Variants in FKRP observed in about 807,000 individuals in gnomAD.
The protein encoded by FKRP is fukutin related protein, also known as ribitol 5-phosphate transferase FKRP.
In FKRP, 25 loss-of-function variants were observed where a neutral mutation model predicts 30.6. That is an observed-to-expected ratio of 0.82 (90% CI 0.60 to 1.14). The LOEUF is 1.14. Among genes scored for constraint, FKRP ranks in the 50% most tolerant of loss-of-function variants. The pLI, the probability that FKRP is intolerant of heterozygous loss-of-function variation, is 0.00. For missense variants in FKRP, 771 were observed against 727.8 expected, an observed-to-expected ratio of 1.06 and a Z score of -0.68; for synonymous variants, 358 against 342.5, an observed-to-expected ratio of 1.05 and a Z score of -0.50.
At position 46,756,633 on chromosome 19, in the gene FKRP, G is replaced by C. The variant is rs762944990; in HGVS notation, c.1183G>C (p.Glu395Gln). The change falls in exon 4 of 4, where the codon GAG becomes CAG. Residue 395 changes from glutamate (E) to glutamine (Q), a missense_variant. Coordinates refer to ENST00000318584, the MANE Select transcript of FKRP (RefSeq NM_024301.5). The surrounding 1 kb of genome is among the most constrained non-coding windows in gnomAD (Gnocchi z 6.6). ...SVVDERGFVWEKAVEGDFFRV... is the reference protein window; with the variant it reads ...SVVDERGFVWQKAVEGDFFRV... ...GGTGGATGAGCGCGGCTTCGTATGG[G>C]AGAAGGCGGTCGAGGGCGACTTTTT... 6.2e-7 allele frequency: 1 copy of C among 1,613,262 alleles called. No individual in the cohort carries two copies. Among genetic ancestry groups the C allele is most frequent in the South Asian group, 1.1e-5 (1 of 90,904 alleles).
rs2054947271 is a variant in FKRP at position 46,757,263 on chromosome 19, G to GA, written c.*331dup. The GA allele has an allele frequency of 6.4e-6, 3 of 466,514 alleles. No individual in the cohort carries two copies. The highest frequency in any genetic ancestry group is 4.7e-5 in the South Asian group (2 of 42,848). 28.9% of individuals were successfully genotyped at this position (466,514 alleles called of 1,614,324 possible). On this transcript the variant is annotated 3_prime_UTR_variant, in exon 4 of 4. Transcript: ENST00000318584. ...CAGGGCCCAGCACAGCCCCAGACCC[G>GA]AAAAAAGTGTTCTGCCCAAGATTCC...
Position 46,756,322 on chromosome 19 carries a change from A to G in FKRP, c.872A>G (p.Lys291Arg). 2.6e-6 allele frequency: 4 copies of G among 1,555,108 alleles called. No individual in the cohort carries two copies. Among genetic ancestry groups the G allele is most frequent in the Non-Finnish European group, 3.5e-6 (4 of 1,154,478 alleles). Residue 291 changes from lysine to arginine, a missense_variant, in exon 4 of 4, where the codon AAG becomes AGG. Transcript: ENST00000318584. This position sits in a 1 kb window ranked among gnomAD's most constrained non-coding sequence, Gnocchi z 6.6. ...GGRLEWFGCN[K>R]ETTRCFGTVV... ...CGGCTGGAGTGGTTCGGCTGCAACAAGGAGACCACGCGCTGCTTCGGAACC... is the reference window on the plus strand; with the variant it reads ...CGGCTGGAGTGGTTCGGCTGCAACAGGGAGACCACGCGCTGCTTCGGAACC...
intron 3 of FKRP, among the ~76,000 whole-genome samples, chr19:46,753,608 C>A (rs1231907766): frequency 6.6e-6 from 1 of 151,746 alleles, no homozygotes; most frequent in Non-Finnish European, 1.5e-5. Context: ...CACTTTCTCC[C>A]CTGGGCACTG....
chr19:46,754,400 T>TCG (rs2054861777), intron 3 of FKRP: 2 of 134,048 alleles, frequency 1.5e-5, no homozygotes, highest in South Asian at 2.2e-4. Context: ...TTTATTTATT[T>TCG]ATTTATTTTT....
Position 46,757,156 on chromosome 19 carries a change from C to T in FKRP, c.*218C>T. 2 of 661,074 alleles carry T rather than the reference C, an allele frequency of 3.0e-6. No individual in the cohort carries two copies. Among genetic ancestry groups the T allele is most frequent in the East Asian group, 2.8e-5 (1 of 36,252 alleles). 41.0% of individuals were successfully genotyped at this position (661,074 alleles called of 1,614,324 possible). A position where few individuals can be genotyped will look rare whatever the true frequency, so the allele number is the denominator to read the frequency against. ...CCTCCAGATTTATCAAATGGTCATG[C>T]CCACTGGGAGCCGTGGATATGCGTG... On this transcript the variant is annotated 3_prime_UTR_variant, in exon 4 of 4. Coordinates refer to ENST00000318584, the MANE Select transcript of FKRP (RefSeq NM_024301.5).
chr19:46,750,491 G>A (rs139122383), intron 3 of FKRP, among the ~76,000 whole-genome samples: 1 of 152,164 alleles, frequency 6.6e-6, no homozygotes, highest in Admixed American at 6.5e-5. Context: ...CTCGGTTCTC[G>A]ACCCTGCATC....
rs1555738032 is a variant in FKRP at position 46,755,525 on chromosome 19, G to A, written c.75G>A (p.Ser25=). Residue 25 remains serine (S), a synonymous_variant, in exon 4 of 4, where the codon TCG becomes TCA. Transcript: ENST00000318584. ...ACCTTCTGGTCCTCTTCTATGTCTCGTGGCTGCAGCACCAGCCTAGGAATT... is the reference window on the plus strand; with the variant it reads ...ACCTTCTGGTCCTCTTCTATGTCTCATGGCTGCAGCACCAGCCTAGGAATT... ...TLNLLVLFYV[S]WLQHQPRNSR... The A allele has an allele frequency of 2.5e-6, 4 of 1,610,008 alleles. No individual in the cohort carries two copies. The highest frequency in any genetic ancestry group is 3.4e-6 in the Non-Finnish European group (4 of 1,178,562).
Position 46,756,324 on chromosome 19 carries a change from G to A in FKRP, c.874G>A (p.Glu292Lys), listed in dbSNP as rs1291131278. The A allele has an allele frequency of 6.4e-7, 1 of 1,555,550 alleles. No individual in the cohort carries two copies. The highest frequency in any genetic ancestry group is 8.7e-7 in the Non-Finnish European group (1 of 1,154,722). The change falls in exon 4 of 4, where the codon GAG becomes AAG. Residue 292 changes from glutamate to lysine, a missense_variant. Coordinates refer to ENST00000318584, the MANE Select transcript of FKRP (RefSeq NM_024301.5). The surrounding 1 kb of genome is among the most constrained non-coding windows in gnomAD (Gnocchi z 6.6). ...GCTGGAGTGGTTCGGCTGCAACAAG[G>A]AGACCACGCGCTGCTTCGGAACCGT... ...GRLEWFGCNK[E>K]TTRCFGTVVG...
rs1203941254 is a variant in FKRP at position 46,757,169 on chromosome 19, G to A, written c.*231G>A. The A allele has an allele frequency of 1.6e-6, 1 of 628,830 alleles. No individual in the cohort carries two copies. Among genetic ancestry groups the A allele is most frequent in the African/African-American group, 1.8e-5 (1 of 54,318 alleles). 39.0% of individuals were successfully genotyped at this position (628,830 alleles called of 1,614,324 possible). On this transcript the variant is annotated 3_prime_UTR_variant, in exon 4 of 4. Transcript: ENST00000318584. ...CAAATGGTCATGCCCACTGGGAGCC[G>A]TGGATATGCGTGGGGACATCCTGGG...
intron 3 of FKRP, among the ~76,000 whole-genome samples, chr19:46,755,056 C>A (rs1043415854): frequency 6.6e-5 from 10 of 152,010 alleles, no homozygotes; most frequent in Non-Finnish European, 1.5e-4. Context: ...GTTGTGCCAA[C>A]AAACCTCTGG....
chr19:46,751,721 G>A (rs1044819836), intron 3 of FKRP, among the ~76,000 whole-genome samples: 19 of 151,826 alleles, frequency 1.3e-4, no homozygotes, highest in Non-Finnish European at 1.5e-4. Flanking sequence ...GCCCGCCACC[G>A]CGCCTGGCTA....
At position 46,755,651 on chromosome 19, in the gene FKRP, A is replaced by G. The variant is rs2122610711; in HGVS notation, c.201A>G (p.Val67=). The G allele has an allele frequency of 6.3e-7, 1 of 1,598,268 alleles. No individual in the cohort carries two copies. The highest frequency in any genetic ancestry group is 8.5e-7 in the Non-Finnish European group (1 of 1,177,796). The change falls in exon 4 of 4, where the codon GTA becomes GTG. Residue 67 remains valine (V), a synonymous_variant. Transcript: ENST00000318584. ...EAFDNAVPEL[V]DSFLQQDPAQ... ...TTGACAACGCGGTGCCCGAGCTGGTAGACTCCTTCCTGCAGCAAGACCCAG... is the reference window on the plus strand; with the variant it reads ...TTGACAACGCGGTGCCCGAGCTGGTGGACTCCTTCCTGCAGCAAGACCCAG...
intron 1 of FKRP, 140 bp downstream of exon 1, chr19:46,746,230 C>T: frequency 2.6e-6 from 4 of 1,527,484 alleles, no homozygotes; most frequent in Non-Finnish European, 3.5e-6. Flanking sequence ...AGTGCAGGAT[C>T]CCCGGCAGGC....
Position 46,755,441 on chromosome 19 carries a change from C to T in FKRP, c.-10C>T, listed in dbSNP as rs1345880671. ...CCCCGGAGGCCCAGCTAGCCCCAGA[C>T]TTCGGCCCCATGCGGCTCACCCGCT... On this transcript the variant is annotated 5_prime_UTR_variant, in exon 4 of 4. Coordinates refer to ENST00000318584, the MANE Select transcript of FKRP (RefSeq NM_024301.5). 49 of 1,601,876 alleles carry T rather than the reference C, an allele frequency of 3.1e-5. No homozygotes were observed. Among genetic ancestry groups the T allele is most frequent in the Non-Finnish European group, 4.1e-5 (48 of 1,178,372 alleles).
chr19:46,755,305 A>G, intron 3 of FKRP, 107 bp from the exon 4 acceptor site: 1 of 752,122 alleles, frequency 1.3e-6, no homozygotes, highest in Non-Finnish European at 2.1e-6. Flanking sequence ...AATAGGGAAA[A>G]GAAAGGGAAT....
chr19:46,748,356 T>C (rs571963158), intron 2 of FKRP, among the ~76,000 whole-genome samples, 159 bp from the exon 3 acceptor site: 1 of 152,116 alleles, frequency 6.6e-6, no homozygotes, highest in Non-Finnish European at 1.5e-5. Flanking sequence ...TTTTTGTATT[T>C]TTAATAGAGA....
chr19:46,746,039 G>GCCCCCCCC, upstream of FKRP: 1 of 903,292 alleles, frequency 1.1e-6, no homozygotes, highest in Non-Finnish European at 1.4e-6. Flanking sequence ...CCGCCCCCCC[G>GCCCCCCCC]CCGGCCGTCC....
chr19:46,756,286 GGGAAGGCGGGCGGCT>G lies in FKRP; in HGVS notation c.840_854del (p.Gly281_Glu285del). 1 of 1,527,114 alleles carries G rather than the reference GGGAAGGCGGGCGGCT, an allele frequency of 6.5e-7. No individual in the cohort carries two copies. 94.6% of individuals were successfully genotyped at this position (1,527,114 alleles called of 1,614,324 possible). ...GCGCTGGGCATCCGCCTAGTGAGCTGGGAAGGCGGGCGGCTGGAGTGGTTCGGCTGCAACAAGGAG... is the reference window on the plus strand; with the variant it reads ...GCGCTGGGCATCCGCCTAGTGAGCTGGGAGTGGTTCGGCTGCAACAAGGAG... On this transcript the variant is annotated inframe_deletion, in exon 4 of 4. Coordinates refer to ENST00000318584, the MANE Select transcript of FKRP (RefSeq NM_024301.5). The surrounding 1 kb of genome is among the most constrained non-coding windows in gnomAD (Gnocchi z 6.6).
At position 46,756,640 on chromosome 19, in the gene FKRP, C is replaced by A; in HGVS notation, c.1190C>A (p.Ala397Glu). The A allele has an allele frequency of 6.2e-7, 1 of 1,613,096 alleles. No homozygotes were observed. Among genetic ancestry groups the A allele is most frequent in the Non-Finnish European group, 8.5e-7 (1 of 1,179,728 alleles). ...VDERGFVWEK[A>E]VEGDFFRVQY... ...GAGCGCGGCTTCGTATGGGAGAAGG[C>A]GGTCGAGGGCGACTTTTTCCGCGTG... Residue 397 changes from alanine (A) to glutamate (E), a missense_variant, in exon 4 of 4, where the codon GCG becomes GAG. By Grantham distance (107) the Ala-to-Glu change is moderately radical (BLOSUM62 -1). Transcript: ENST00000318584. The surrounding 1 kb of genome is among the most constrained non-coding windows in gnomAD (Gnocchi z 6.6).
Sources: allele counts gnomAD v4.1 joint callset (sites outside exome capture counted in the v4.1 genomes callset), GRCh38; gene constraint gnomAD v4.1.1; non-coding constraint Gnocchi (gnomAD v3.1); transcripts MANE v1.5; gene names NCBI Gene and HGNC (gene_info 2026-07-23, HGNC 2026-07-21).